The following HNF4G variants were observed in gnomAD, a reference collection of about 807,000 sequenced individuals.
HNF4G encodes hepatocyte nuclear factor 4 gamma.
In HNF4G, 21 loss-of-function variants were observed where a neutral mutation model predicts 50.9. That is an observed-to-expected ratio of 0.41 (90% confidence interval 0.29 to 0.59). HNF4G has a LOEUF of 0.59. HNF4G is among the 20% of genes least tolerant of loss of function. The pLI is 0.26. For synonymous variants in HNF4G, 198 were observed against 185.6 expected, an observed-to-expected ratio of 1.07 and a Z score of -0.54; for missense variants, 527 against 559.4, an observed-to-expected ratio of 0.94 and a Z score of 0.58.
chr8:75,479,687 A>G (rs546577279), intron 1 of HNF4G, among the ~76,000 whole-genome samples: 1 of 152,266 alleles, frequency 6.6e-6, no homozygotes, highest in African/African-American at 2.4e-5. Context: ...CTGGATAACA[A>G]GAGAGAATAA....
intron 8 of HNF4G, among the ~76,000 whole-genome samples, chr8:75,559,927 G>A (rs569901910): frequency 6.6e-6 from 1 of 152,240 alleles, no homozygotes; most frequent in East Asian, 1.9e-4. Flanking sequence ...AAATTTCCTT[G>A]TAAAATCATT....
chr8:75,452,280 AT>A (rs1451806941), intron 1 of HNF4G, among the ~76,000 whole-genome samples: 1 of 152,208 alleles, frequency 6.6e-6, no homozygotes, highest in African/African-American at 2.4e-5. Flanking sequence ...CAGTAGTAAT[AT>A]TTATAATAAA....
At chr8:75,543,790 A>G in intron 1 of HNF4G, 21 bp from the exon 2 acceptor site, 3 of 1,599,232 alleles carry the variant, frequency 1.9e-6, no homozygotes, top group Non-Finnish European at 2.6e-6. Context: ...TCTAACTGTA[A>G]TCTTCCTTTT....
At chr8:75,458,575 A>C (rs1051327704) in intron 1 of HNF4G, among the ~76,000 whole-genome samples, 1 of 152,096 alleles carries the variant, frequency 6.6e-6, no homozygotes, top group Non-Finnish European at 1.5e-5. Context: ...AAAAACGTAA[A>C]AATGTTCCTA....
chr8:75,551,103 A>G (rs1188681316), intron 3 of HNF4G, among the ~76,000 whole-genome samples: 2 of 152,178 alleles, frequency 1.3e-5, no homozygotes, highest in Non-Finnish European at 2.9e-5. Context: ...GAGAGAATAG[A>G]AAACCACCCT....
chr8:75,514,094 A>G (rs1386240282), intron 2 of HNF4G, among the ~76,000 whole-genome samples: 1 of 151,860 alleles, frequency 6.6e-6, no homozygotes, highest in Non-Finnish European at 1.5e-5. Flanking sequence ...AATTTTGCCC[A>G]TTCTTCCTTT....
chr8:75,491,146 T>A (rs192685158), intron 2 of HNF4G, among the ~76,000 whole-genome samples: 14 of 152,282 alleles, frequency 9.2e-5, no homozygotes, highest in African/African-American at 3.4e-4. Context: ...ACTTCTACTA[T>A]GAAATGAAGT....
chr8:75,440,568 T>C (rs1483783183), intron 1 of HNF4G, among the ~76,000 whole-genome samples: 1 of 152,228 alleles, frequency 6.6e-6, no homozygotes, highest in Non-Finnish European at 1.5e-5. Flanking sequence ...TTTATTTCTT[T>C]GAAATTGTTT....
chr8:75,467,590 G>A (rs1812015840), intron 1 of HNF4G, among the ~76,000 whole-genome samples: 1 of 151,962 alleles, frequency 6.6e-6, no homozygotes, highest in African/African-American at 2.4e-5. Flanking sequence ...AACCTGGGAG[G>A]CGGAGGTTGC....
chr8:75,439,503 G>C (rs887729877), intron 1 of HNF4G, among the ~76,000 whole-genome samples: 2 of 151,788 alleles, frequency 1.3e-5, no homozygotes, highest in African/African-American at 4.8e-5. Flanking sequence ...TGTTCTTTTA[G>C]GCTTCTGACT....
chr8:75,522,890 C>T (rs1459899481), intron 2 of HNF4G, among the ~76,000 whole-genome samples: 1 of 152,006 alleles, frequency 6.6e-6, no homozygotes, highest in African/African-American at 2.4e-5. Flanking sequence ...AATAGCTTGA[C>T]AAAGAGATGG....
chr8:75,529,438 A>G (rs1281300424), intron 2 of HNF4G, among the ~76,000 whole-genome samples: 2 of 152,124 alleles, frequency 1.3e-5, no homozygotes, highest in Admixed American at 1.3e-4. Context: ...AAGCCAAACC[A>G]TATCATCTTA....
Position 75,552,460 on chromosome 8 carries a change from T to A in HNF4G, c.490-582T>A, listed in dbSNP as rs60277436. 2.2e-3 allele frequency among the ~76,000 whole-genome samples: 333 copies of A among 152,190 alleles called. 2 individuals are homozygous for A. The highest frequency in any genetic ancestry group is 7.8e-3 in the African/African-American group (322 of 41,492). The stretch of plus-strand genomic sequence containing the variant: ...TAGTCTAAAATTACAAATTTACAAA[T>A]TTACAAATCTTACAAATTTATTATA... On this transcript the variant is annotated intron_variant, in intron 4 of 9. Transcript: ENST00000396423.
chr8:75,470,041 CT>C (rs1288599409), intron 1 of HNF4G, among the ~76,000 whole-genome samples: 1 of 152,174 alleles, frequency 6.6e-6, no homozygotes. Context: ...AAAACTCTCA[CT>C]TTTTAGATGA....
At chr8:75,438,825 A>T (rs1033645791) in intron 1 of HNF4G, among the ~76,000 whole-genome samples, 23 of 152,200 alleles carry the variant, frequency 1.5e-4, no homozygotes, top group African/African-American at 5.3e-4. Flanking sequence ...CTTTTTCATA[A>T]AGATTAGCAG....
At chr8:75,496,054 T>C (rs1470608926) in intron 2 of HNF4G, among the ~76,000 whole-genome samples, 3 of 152,078 alleles carry the variant, frequency 2.0e-5, no homozygotes, top group African/African-American at 7.2e-5. Flanking sequence ...AATGACAAAA[T>C]ATCTATGGGA....
chr8:75,472,120 T>C (rs1585873284), intron 1 of HNF4G, among the ~76,000 whole-genome samples: 1 of 152,142 alleles, frequency 6.6e-6, no homozygotes, highest in African/African-American at 2.4e-5. Flanking sequence ...TCATCCTTCC[T>C]CCCTACCTCT....
rs182707230 is a variant in HNF4G at position 75,429,435 on chromosome 8, C to A, written c.-144+21273C>A. Among the ~76,000 whole-genome samples, 20 of 151,994 alleles carry A rather than the reference C, an allele frequency of 1.3e-4. No homozygotes were observed. The East Asian group carries it at 1.9e-3, about 15-fold the overall frequency. The stretch of plus-strand genomic sequence containing the variant: ...GTAAGTGTTTGGGCTCTGTTTTTCT[C>A]TCTTCCATTTCAATTTCTTACCATT... On this transcript the variant is annotated intron_variant, in intron 1 of 10. Coordinates refer to the HNF4G transcript ENST00000354370.
At chr8:75,430,663 G>GT (rs1164451732) in intron 1 of HNF4G, among the ~76,000 whole-genome samples, 2 of 152,120 alleles carry the variant, frequency 1.3e-5, no homozygotes, top group Non-Finnish European at 2.9e-5. Context: ...ACCTCTAAAG[G>GT]TAAAATTTTA....
Sources: gnomAD v4.1 joint callset for allele counts (sites outside exome capture counted in the v4.1 genomes callset) on GRCh38, gnomAD v4.1.1 for gene constraint, MANE v1.5 for transcripts, NCBI Gene and HGNC (gene_info 2026-07-23, HGNC 2026-07-21) for gene names.